The following SYN2 variants were observed in gnomAD, a reference collection of about 807,000 sequenced individuals.
SYN2 encodes synapsin-2.
Under a neutral mutation model 50.9 loss-of-function variants are expected in SYN2, and 19 were observed. That is an observed-to-expected ratio of 0.37 (90% CI 0.26 to 0.55). The LOEUF is 0.55. Ranked by LOEUF, SYN2 falls within the 20% of genes least tolerant of loss-of-function variation. The probability of loss-of-function intolerance (pLI) is 0.81; values close to 1 mark genes in which losing one functional copy is unlikely to be tolerated. For missense variants in SYN2, 587 were observed against 576.4 expected, an observed-to-expected ratio of 1.02 and a Z score of -0.19; for synonymous variants, 255 against 224.9, an observed-to-expected ratio of 1.13 and a Z score of -1.20.
Position 12,191,260 on chromosome 3 carries a change from T to A in SYN2, c.*635T>A. 1 of 875,698 alleles carries A rather than the reference T, an allele frequency of 1.1e-6. No homozygotes were observed. The highest frequency in any genetic ancestry group is 5.3e-5 in the South Asian group (1 of 18,992). The allele number at this position is 875,698 out of a possible 1,614,324, so 54.2% of individuals were successfully genotyped here. ...TTTCTCCCCTCTGAAGAGTGGTTCT[T>A]ATGTGCAATCTGCAGTAACCTTGAA... is the stretch of plus-strand genomic sequence containing the variant. On this transcript the variant is annotated 3_prime_UTR_variant, in exon 13 of 13. Transcript: ENST00000621198.
At chr3:12,136,563 G>T (rs1041224487) in intron 1 of SYN2, among the ~76,000 whole-genome samples, 6 of 152,110 alleles carry the variant, frequency 3.9e-5, no homozygotes, top group Non-Finnish European at 7.4e-5. Flanking sequence ...GCTTGCCTGG[G>T]TTGGGCCAAG....
rs111371488 is a variant in SYN2, at chr3:12,189,236, C to T, written c.1614-1254C>T. 7.2e-5 allele frequency among the ~76,000 whole-genome samples: 11 copies of T among 152,274 alleles called. No homozygotes were observed. In the South Asian group the frequency reaches 1.2e-3, roughly 17 times the overall value. The stretch of plus-strand genomic sequence containing the variant: ...GAGTCAAGAAGGAGAAAAGCTGGGC[C>T]GCTGGAGAAGCCAGACCTCATGTCC... On this transcript the variant is annotated intron_variant, in intron 12 of 12. Coordinates refer to ENST00000621198, the MANE Select transcript of SYN2 (RefSeq NM_133625.6).
chr3:12,005,084 G>C (rs1440055330), intron 1 of SYN2, among the ~76,000 whole-genome samples, 156 bp downstream of exon 1: 1 of 152,110 alleles, frequency 6.6e-6, no homozygotes, highest in Admixed American at 6.5e-5. Context: ...GAGCGCGCGC[G>C]CGTTTGCGGG....
Position 12,185,552 on chromosome 3 carries a change from A to T in SYN2, c.1370-1817A>T. The T allele has an allele frequency of 4.1e-6, 4 of 985,872 alleles. No individual in the cohort carries two copies. The South Asian group carries it at 1.4e-4, about 35-fold the overall frequency. 61.1% of individuals were successfully genotyped at this position (985,872 alleles called of 1,614,324 possible). A position where few individuals can be genotyped will look rare whatever the true frequency, so the allele number is the denominator to read the frequency against. On this transcript the variant is annotated intron_variant, in intron 11 of 12. Transcript: ENST00000621198. ...CTGTGGCCTGGGGGACATCTGTGTC[A>T]CAGTATAGGATTGCCATTCAGGTGT...
intron 1 of SYN2, among the ~76,000 whole-genome samples, chr3:12,125,111 T>C (rs752124525): frequency 9.2e-5 from 14 of 151,530 alleles, no homozygotes; most frequent in Non-Finnish European, 1.2e-4. Flanking sequence ...GCCTCCCGGG[T>C]TCAAGTGATT....
intron 11 of SYN2, chr3:12,185,686 C>T: frequency 2.0e-6 from 2 of 985,864 alleles, no homozygotes; most frequent in Non-Finnish European, 2.4e-6. Context: ...TTTTGTGACT[C>T]TTGTACAGCT....
At chr3:12,157,316 T>G (rs1697486711) in intron 5 of SYN2, 4 of 1,478,138 alleles carry the variant, frequency 2.7e-6, no homozygotes, top group African/African-American at 2.8e-5. Flanking sequence ...CTACCAGCCC[T>G]CCCAGAACAC....
intron 1 of SYN2, among the ~76,000 whole-genome samples, chr3:12,006,059 G>C (rs928394040): frequency 6.6e-6 from 1 of 152,020 alleles, no homozygotes; most frequent in Admixed American, 6.6e-5. Flanking sequence ...TTCCCAGGAG[G>C]GGTGCACAGA....
At chr3:12,159,435 A>C (rs779928994) in intron 5 of SYN2, 1 of 152,582 alleles carries the variant, frequency 6.6e-6, no homozygotes, top group African/African-American at 2.4e-5. Flanking sequence ...GAGGCTCCAA[A>C]GCAACAGCAA....
intron 1 of SYN2, among the ~76,000 whole-genome samples, chr3:12,081,238 T>C (rs1350348439): frequency 6.6e-6 from 1 of 152,198 alleles, no homozygotes; most frequent in East Asian, 1.9e-4. Flanking sequence ...TCCTAATGCA[T>C]TGCTGTAAGA....
Position 12,154,475 on chromosome 3 carries a change from T to G in SYN2, c.774+3149T>G, listed in dbSNP as rs780626524. ...ACCTTCAAGGGGAGATGGAGGAGAG[T>G]CAAGCATCAGGATTCTTCTCCTGGA... On this transcript the variant is annotated intron_variant, in intron 5 of 12. Coordinates refer to ENST00000621198, the MANE Select transcript of SYN2 (RefSeq NM_133625.6). 8.1e-6 allele frequency: 13 copies of G among 1,611,054 alleles called. No individual in the cohort carries two copies. In the South Asian group the frequency reaches 1.3e-4, roughly 16 times the overall value.
chr3:12,121,198 G>A (rs1283792782), intron 1 of SYN2, among the ~76,000 whole-genome samples: 3 of 152,014 alleles, frequency 2.0e-5, no homozygotes, highest in African/African-American at 7.2e-5. Flanking sequence ...CTCCAACCTG[G>A]GTTAAGTTCT....
At chr3:12,140,737 C>T (rs766368703) in intron 2 of SYN2, 29 bp downstream of exon 2, 4 of 740,330 alleles carry the variant, frequency 5.4e-6, no homozygotes, top group Non-Finnish European at 7.6e-6. Context: ...AGAGCTGCAT[C>T]CCCGTCATCA....
intron 1 of SYN2, among the ~76,000 whole-genome samples, chr3:12,037,131 A>G (rs567846773): frequency 6.6e-6 from 1 of 152,212 alleles, no homozygotes; most frequent in Non-Finnish European, 1.5e-5. Context: ...TTTACTGTCC[A>G]TATTTCTACC....
chr3:12,134,068 TACG>T (rs1696845117), intron 1 of SYN2, among the ~76,000 whole-genome samples: 1 of 152,008 alleles, frequency 6.6e-6, no homozygotes, highest in African/African-American at 2.4e-5. Flanking sequence ...TTGAAGTGTA[TACG>T]TAAAAGTGGT....
chr3:12,023,836 G>A (rs1156667503), intron 1 of SYN2, among the ~76,000 whole-genome samples: 2 of 152,104 alleles, frequency 1.3e-5, no homozygotes, highest in Admixed American at 1.3e-4. Flanking sequence ...CCGTCTGTGA[G>A]GTACTGGATG....
At chr3:12,109,356 T>C (rs1696268046) in intron 1 of SYN2, among the ~76,000 whole-genome samples, 1 of 152,234 alleles carries the variant, frequency 6.6e-6, no homozygotes, top group African/African-American at 2.4e-5. Flanking sequence ...TTCAGGGTTA[T>C]GAAGATTACA....
chr3:12,168,817 G>T lies in SYN2; in HGVS notation c.1158+339G>T, dbSNP rs139994366. 4.3e-3 allele frequency among the ~76,000 whole-genome samples: 651 copies of T among 150,174 alleles called. 10 individuals are homozygous for T. Among genetic ancestry groups the T allele is most frequent in the African/African-American group, 0.015 (627 of 40,622 alleles). ...CATGAGCATGTGCCCAAGACCACAG[G>T]GTGAATCAGTGTCTCAGCTGGGCAC... is the stretch of plus-strand genomic sequence containing the variant. On this transcript the variant is annotated intron_variant, in intron 9 of 12. Coordinates refer to ENST00000621198, the MANE Select transcript of SYN2 (RefSeq NM_133625.6).
chr3:12,050,296 T>G (rs184740712), intron 1 of SYN2, among the ~76,000 whole-genome samples: 354 of 152,130 alleles, frequency 2.3e-3, no homozygotes, highest in Non-Finnish European at 4.3e-3. Context: ...CACCTTTCAT[T>G]TAATGTTGAT....
Sources: gnomAD v4.1 joint callset for allele counts (sites outside exome capture counted in the v4.1 genomes callset) on GRCh38, gnomAD v4.1.1 for gene constraint, MANE v1.5 for transcripts, NCBI Gene and HGNC (gene_info 2026-07-23, HGNC 2026-07-21) for gene names.